Variants in RPA3 observed in about 807,000 individuals in gnomAD.
RPA3 encodes the protein replication protein A3, also known as replication protein A 14 kDa subunit.
In RPA3, 24 loss-of-function variants were observed where a neutral mutation model predicts 13.7. That is an observed-to-expected ratio of 1.75 (90% CI 1.27 to 2.46). RPA3 has a LOEUF of 2.46. RPA3 is among the 30% of genes most tolerant of loss of function. The pLI is 0.00. For synonymous variants in RPA3, 59 were observed against 51.2 expected (o/e 1.15, Z -0.65); for missense variants, 183 against 151.0 (o/e 1.21, Z -1.11).
chr7:7,643,927 C>T (rs6974202), intron 4 of RPA3, among the ~76,000 whole-genome samples: 4,999 of 152,046 alleles, frequency 0.033, 125 homozygotes, highest in East Asian at 0.1. Context: ...CAAATTTTTT[C>T]GTCTGAGGAG....
intron 4 of RPA3, among the ~76,000 whole-genome samples, chr7:7,682,221 A>C (rs1265647153): frequency 2.6e-5 from 4 of 152,330 alleles, no homozygotes; most frequent in East Asian, 1.9e-4. Flanking sequence ...TGCTGAATTT[A>C]GAACCAGAAT....
intron 4 of RPA3, among the ~76,000 whole-genome samples, chr7:7,668,236 C>T (rs1041160611): frequency 2.6e-5 from 4 of 152,158 alleles, no homozygotes; most frequent in African/African-American, 9.7e-5. Flanking sequence ...TTTACTTACA[C>T]AATGTGAATA....
At chr7:7,667,603 A>G (rs1158757006) in intron 4 of RPA3, among the ~76,000 whole-genome samples, 1 of 152,196 alleles carries the variant, frequency 6.6e-6, no homozygotes, top group East Asian at 1.9e-4. Flanking sequence ...TGTTTATATT[A>G]TAAAAGTATG....
intron 4 of RPA3, among the ~76,000 whole-genome samples, chr7:7,648,867 G>GA (rs113575166): frequency 3.1e-3 from 438 of 141,640 alleles, no homozygotes; most frequent in African/African-American, 0.011. Flanking sequence ...AAGAAAGAAA[G>GA]AAAAAAAAAG....
chr7:7,650,661 A>G (rs1161165906), intron 4 of RPA3, among the ~76,000 whole-genome samples: 1 of 152,262 alleles, frequency 6.6e-6, no homozygotes, highest in Non-Finnish European at 1.5e-5. Flanking sequence ...AACAAAGTTT[A>G]AGCTGGTTAA....
intron 2 of RPA3, among the ~76,000 whole-genome samples, chr7:7,709,080 A>C (rs1271939958): frequency 1.3e-5 from 2 of 152,124 alleles, no homozygotes; most frequent in Non-Finnish European, 2.9e-5. Flanking sequence ...CACATCTTTC[A>C]GTGTCTTGCA....
intron 4 of RPA3, among the ~76,000 whole-genome samples, chr7:7,666,134 G>A (rs532765279): frequency 1.3e-5 from 2 of 152,252 alleles, no homozygotes; most frequent in African/African-American, 4.8e-5. Context: ...GTGTACAAGA[G>A]TTCCAGTTGC....
chr7:7,709,407 C>G (rs28912688), intron 2 of RPA3, among the ~76,000 whole-genome samples: 7 of 152,196 alleles, frequency 4.6e-5, no homozygotes, highest in African/African-American at 9.7e-5. Context: ...TGTGGATAAG[C>G]TGGAGAGGTC....
At chr7:7,638,016 C>A (rs1196587817) in intron 6 of RPA3, 44 bp from the exon 7 acceptor site, 2 of 1,476,132 alleles carry the variant, frequency 1.4e-6, no homozygotes, top group South Asian at 1.1e-5. Flanking sequence ...ATCACATTTT[C>A]AGTTGACAAT....
At chr7:7,705,703 A>G (rs1205689855) in intron 2 of RPA3, among the ~76,000 whole-genome samples, 3 of 152,192 alleles carry the variant, frequency 2.0e-5, no homozygotes, top group African/African-American at 7.2e-5. Flanking sequence ...CTCTTATGTT[A>G]ATATATTGGT....
At chr7:7,683,038 C>T (rs1284924472) in intron 4 of RPA3, among the ~76,000 whole-genome samples, 1 of 152,212 alleles carries the variant, frequency 6.6e-6, no homozygotes, top group Non-Finnish European at 1.5e-5. Flanking sequence ...GTACACCACC[C>T]TTCCTTAACT....
At chr7:7,699,530 GA>G (rs1414367283) in intron 2 of RPA3, among the ~76,000 whole-genome samples, 1 of 152,198 alleles carries the variant, frequency 6.6e-6, no homozygotes, top group Non-Finnish European at 1.5e-5. Flanking sequence ...TTTCACTTTA[GA>G]AACTGCTAGA....
intron 3 of RPA3, among the ~76,000 whole-genome samples, chr7:7,686,259 T>G (rs1367248020): frequency 6.6e-6 from 1 of 152,174 alleles, no homozygotes; most frequent in Non-Finnish European, 1.5e-5. Context: ...TATTCTTGGC[T>G]GAATAGAGAG....
In RPA3 at chr7:7,640,843, G is replaced by C. The variant is rs1227122091; in HGVS notation, c.-425C>G. ...TCAGGTACCTCGTCTCGCGGGAGGC[G>C]CCGCAACCTTACTGTTTCCCCATTC... On this transcript the variant is annotated 5_prime_UTR_variant, in exon 5 of 8. Transcript: ENST00000223129. 3 of 198,086 alleles carry C rather than the reference G, an allele frequency of 1.5e-5. No individual in the cohort carries two copies. The highest frequency in any genetic ancestry group is 5.9e-5 in the Admixed American group (1 of 17,020). The allele number at this position is 198,086 out of a possible 1,614,324, so 12.3% of individuals were successfully genotyped here. A position where few individuals can be genotyped will look rare whatever the true frequency, so the allele number is the denominator to read the frequency against.
chr7:7,678,579 A>AATATATATTTATATACTTAATTTATAG lies in RPA3; in HGVS notation c.-758+7224_-758+7250dup, dbSNP rs1241129180. Among the ~76,000 whole-genome samples, 85 of 136,358 alleles carry AATATATATTTATATACTTAATTTATAG rather than the reference A, an allele frequency of 6.2e-4. 1 individual carries two copies. The highest frequency in any genetic ancestry group is 4.6e-3 in the Middle Eastern group (1 of 216). 89.5% of individuals were successfully genotyped at this position (136,358 alleles called of 152,430 possible). A position where few individuals can be genotyped will look rare whatever the true frequency, so the allele number is the denominator to read the frequency against. On this transcript the variant is annotated intron_variant, in intron 4 of 7. Transcript: ENST00000223129. ...TATTTATATACTTAATTTATAGATA[A>AATATATATTTATATACTTAATTTATAG]ATATATATTTATATACTTAATTTAT...
intron 4 of RPA3, among the ~76,000 whole-genome samples, chr7:7,662,513 G>A (rs114042258): frequency 4.9e-4 from 74 of 152,248 alleles, no homozygotes; most frequent in African/African-American, 1.6e-3. Flanking sequence ...TATCCGGACC[G>A]GAGTGCACTG....
At chr7:7,662,931 A>G (rs1397586647) in intron 4 of RPA3, among the ~76,000 whole-genome samples, 1 of 152,240 alleles carries the variant, frequency 6.6e-6, no homozygotes, top group Non-Finnish European at 1.5e-5. Context: ...TATAATTTTC[A>G]ATGGAAAGTT....
chr7:7,642,298 C>G (rs1054783465), intron 4 of RPA3, among the ~76,000 whole-genome samples: 9 of 145,176 alleles, frequency 6.2e-5, no homozygotes, highest in Non-Finnish European at 1.4e-4. Flanking sequence ...CCACACCCAG[C>G]TAATAAAGAT....
rs530010491 is a variant in RPA3 at position 7,663,019 on chromosome 7, T to C, written c.-757-21844A>G. On this transcript the variant is annotated intron_variant, in intron 4 of 7. Coordinates refer to ENST00000223129, the MANE Select transcript of RPA3 (RefSeq NM_002947.5). Reference sequence around the variant, plus strand: ...GTGTGAGTGCTTTGAAAAAGCCTTTTTTGCCTGTAGCCCAAACTAGAAAAT... The same window carrying C: ...GTGTGAGTGCTTTGAAAAAGCCTTTCTTGCCTGTAGCCCAAACTAGAAAAT... Among the ~76,000 whole-genome samples, 33 of 152,280 alleles carry C rather than the reference T, an allele frequency of 2.2e-4. 1 individual carries two copies. In the East Asian group the frequency reaches 6.0e-3, roughly 28 times the overall value.
Sources: gnomAD v4.1 joint callset for allele counts (sites outside exome capture counted in the v4.1 genomes callset) on GRCh38, gnomAD v4.1.1 for gene constraint, MANE v1.5 for transcripts, NCBI Gene and HGNC (gene_info 2026-07-23, HGNC 2026-07-21) for gene names.